The following KCNJ16 variants were observed in gnomAD, a reference collection of about 807,000 sequenced individuals.
The protein encoded by KCNJ16 is inward rectifier potassium channel 16.
KCNJ16 carries 15 observed loss-of-function variants against 18.5 expected under a neutral mutation model. The ratio of observed to expected loss-of-function variants is 0.81; its 90% confidence interval spans 0.54 to 1.25. KCNJ16 has a LOEUF of 1.25. Among genes scored for constraint, KCNJ16 ranks in the 50% most tolerant of loss-of-function variants. The probability of loss-of-function intolerance (pLI) is 0.00; values close to 1 mark genes in which losing one functional copy is unlikely to be tolerated. For synonymous variants in KCNJ16, 174 were observed against 186.5 expected (o/e 0.93, Z 0.55); for missense variants, 523 against 525.7 (o/e 0.99, Z 0.05).
intron 3 of KCNJ16, 135 bp from the exon 4 acceptor site, chr17:70,131,860 C>A (rs2074066658): frequency 1.6e-5 from 12 of 732,556 alleles, no homozygotes; most frequent in Non-Finnish European, 2.4e-5. Context: ...AATGAGTAAT[C>A]AATACTGTGC....
intron 2 of KCNJ16, among the ~76,000 whole-genome samples, chr17:70,114,114 C>T (rs1408875210): frequency 6.6e-6 from 1 of 152,080 alleles, no homozygotes; most frequent in Admixed American, 6.6e-5. Flanking sequence ...GGAATTGAGA[C>T]ATCAGCCAAT....
At position 70,075,327 on chromosome 17, in the gene KCNJ16, T is replaced by C. The variant is rs1425832419; in HGVS notation, c.-363T>C. ...TCCTTTATTATTAACTAAAGAGCAT[T>C]CTCTACCATTGCCCAGCTGAAAGCA... On this transcript the variant is annotated 5_prime_UTR_variant, in exon 1 of 4. Transcript: ENST00000392671. 6.6e-6 allele frequency: 1 copy of C among 152,134 alleles called. No homozygotes were observed. Among genetic ancestry groups the C allele is most frequent in the Non-Finnish European group, 1.5e-5 (1 of 68,036 alleles). 9.4% of individuals were successfully genotyped at this position (152,134 alleles called of 1,614,324 possible).
intron 2 of KCNJ16, 68 bp from the exon 3 acceptor site, chr17:70,130,811 C>A: frequency 1.4e-6 from 1 of 709,646 alleles, no homozygotes; most frequent in Non-Finnish European, 2.4e-6. Flanking sequence ...GTGAAAAACA[C>A]ATATTCTAAT....
At chr17:70,128,076 G>A (rs1289654014) in intron 2 of KCNJ16, 2 of 152,236 alleles carry the variant, frequency 1.3e-5, no homozygotes, top group Non-Finnish European at 2.9e-5. Context: ...TACCTGGTAA[G>A]TCGCTGAATT....
chr17:70,076,833 TTGGC>T (rs2071333874), intron 1 of KCNJ16, among the ~76,000 whole-genome samples: 1 of 152,144 alleles, frequency 6.6e-6, no homozygotes, highest in Admixed American at 6.6e-5. Flanking sequence ...AAGTAAATAT[TTGGC>T]ACCGAAATAA....
intron 1 of KCNJ16, among the ~76,000 whole-genome samples, chr17:70,094,867 C>T (rs957242798): frequency 1.3e-5 from 2 of 152,138 alleles, no homozygotes; most frequent in Non-Finnish European, 2.9e-5. Flanking sequence ...TCTCCAAATC[C>T]TATCTTGCAA....
intron 2 of KCNJ16, among the ~76,000 whole-genome samples, chr17:70,119,117 C>T (rs564406554): frequency 6.6e-6 from 1 of 152,338 alleles, no homozygotes; most frequent in South Asian, 2.1e-4. Flanking sequence ...AATCTTAATG[C>T]TCCAAAATAA....
intron 2 of KCNJ16, chr17:70,105,178 T>G (rs1440653235): frequency 6.6e-6 from 1 of 152,248 alleles, no homozygotes; most frequent in Non-Finnish European, 1.5e-5. Flanking sequence ...AATATGCATC[T>G]TTATGATGCT....
At chr17:70,120,518 C>T (rs1169599335) in intron 2 of KCNJ16, among the ~76,000 whole-genome samples, 1 of 152,116 alleles carries the variant, frequency 6.6e-6, no homozygotes, top group South Asian at 2.1e-4. Context: ...GCAGACTGGA[C>T]AGTAAGCATA....
At chr17:70,115,426 C>A (rs370573201) in intron 2 of KCNJ16, among the ~76,000 whole-genome samples, 8 of 152,116 alleles carry the variant, frequency 5.3e-5, no homozygotes, top group African/African-American at 1.9e-4. Context: ...ATTTAAAGGA[C>A]CATTTACTTG....
chr17:70,130,139 A>G (rs866441395), intron 2 of KCNJ16, among the ~76,000 whole-genome samples: 1 of 152,212 alleles, frequency 6.6e-6, no homozygotes, highest in Non-Finnish European at 1.5e-5. Flanking sequence ...ATTATACTTC[A>G]TCCCATTCTC....
chr17:70,130,490 T>G lies in KCNJ16; in HGVS notation c.-190-389T>G, dbSNP rs148025784. Among the ~76,000 whole-genome samples the G allele has an allele frequency of 3.4e-4, 52 of 151,920 alleles. 1 individual carries two copies. The East Asian group carries it at 8.5e-3, about 25-fold the overall frequency. ...TAAACCCATACATGCCTTACGGGAG[T>G]TTGTGGCTTTAAGTGGAGTCCATCC... On this transcript the variant is annotated intron_variant, in intron 2 of 3. Coordinates refer to ENST00000392671, the MANE Select transcript of KCNJ16 (RefSeq NM_170741.4).
chr17:70,110,251 C>A (rs1448950089), intron 2 of KCNJ16, among the ~76,000 whole-genome samples: 1 of 152,050 alleles, frequency 6.6e-6, no homozygotes, highest in Admixed American at 6.6e-5. Context: ...CTTCTGTACC[C>A]CTATCCTTCC....
intron 1 of KCNJ16, among the ~76,000 whole-genome samples, chr17:70,076,433 G>A (rs2071312214): frequency 1.7e-5 from 1 of 58,404 alleles, no homozygotes; most frequent in African/African-American, 6.6e-5. Flanking sequence ...AAGTGAACAA[G>A]GTCCAGAGTT....
At chr17:70,106,864 G>A (rs2072955039) in intron 2 of KCNJ16, among the ~76,000 whole-genome samples, 1 of 152,142 alleles carries the variant, frequency 6.6e-6, no homozygotes, top group African/African-American at 2.4e-5. Context: ...TCTTTTGTGC[G>A]TGCATAGTTT....
chr17:70,100,116 T>A (rs1222154424), intron 1 of KCNJ16, among the ~76,000 whole-genome samples: 1 of 152,148 alleles, frequency 6.6e-6, no homozygotes, highest in Non-Finnish European at 1.5e-5. Context: ...CCGGCAAAAA[T>A]GGCACCTGTG....
chr17:70,118,452 A>G (rs1185264056), intron 2 of KCNJ16, among the ~76,000 whole-genome samples: 1 of 152,172 alleles, frequency 6.6e-6, no homozygotes, highest in Non-Finnish European at 1.5e-5. Context: ...AATGCTGAAA[A>G]AAAAGAAAAG....
At chr17:70,110,519 C>T (rs986409213) in intron 2 of KCNJ16, among the ~76,000 whole-genome samples, 1 of 149,358 alleles carries the variant, frequency 6.7e-6, no homozygotes, top group Non-Finnish European at 1.5e-5. Flanking sequence ...TTTCCGGCAT[C>T]CAGTCTTTAT....
intron 1 of KCNJ16, among the ~76,000 whole-genome samples, chr17:70,087,320 C>T (rs2071849608): frequency 6.6e-6 from 1 of 152,060 alleles, no homozygotes; most frequent in South Asian, 2.1e-4. Context: ...ACTCAAATTC[C>T]AGGGTTTCAA....
Sources: gnomAD v4.1 joint callset for allele counts (sites outside exome capture counted in the v4.1 genomes callset) on GRCh38, gnomAD v4.1.1 for gene constraint, MANE v1.5 for transcripts, NCBI Gene and HGNC (gene_info 2026-07-23, HGNC 2026-07-21) for gene names.